The following FRMPD4 variants were observed in gnomAD, a reference collection of about 807,000 sequenced individuals.
The protein encoded by FRMPD4 is FERM and PDZ domain containing 4.
In FRMPD4, 22 loss-of-function variants were observed where a neutral mutation model predicts 94.1. The observed-to-expected ratio is 0.23, with a 90% CI of 0.17 to 0.33. FRMPD4 has a LOEUF of 0.33. Among genes scored for constraint, FRMPD4 ranks in the 10% least tolerant of loss-of-function variants. The pLI, the probability that FRMPD4 is intolerant of heterozygous loss-of-function variation, is 1.00. For synonymous variants in FRMPD4, 631 were observed against 548.6 expected, an observed-to-expected ratio of 1.15 and a Z score of -2.10; for missense variants, 1,111 against 1,339.9, an observed-to-expected ratio of 0.83 and a Z score of 2.67.
intron 1 of FRMPD4, among the ~76,000 whole-genome samples, chrX:12,148,841 G>A: frequency 8.9e-6 from 1 of 112,032 alleles, no homozygotes; most frequent in East Asian, 2.8e-4. Context: ...ACTCTACTCT[G>A]CTTGTGCTCT....
At chrX:11,832,457 A>G (rs370133586) in intron 1 of FRMPD4, among the ~76,000 whole-genome samples, 1 of 111,542 alleles carries the variant, frequency 9.0e-6, no homozygotes. Flanking sequence ...CTGCAGAGGA[A>G]ATAATTCATC....
chrX:12,649,409 A>T (rs189733610), intron 4 of FRMPD4, among the ~76,000 whole-genome samples: 54 of 111,589 alleles, frequency 4.8e-4, no homozygotes, highest in Non-Finnish European at 1.1e-4. Context: ...ACCACCATTT[A>T]TGAAGATATG....
Position 12,230,176 on chromosome X carries a change from A to G in FRMPD4, c.41+91164A>G, listed in dbSNP as rs150478716. 9.5e-3 allele frequency among the ~76,000 whole-genome samples: 1,060 copies of G among 111,785 alleles called. 13 individuals carry two copies. Among genetic ancestry groups the G allele is most frequent in the African/African-American group, 0.032 (988 of 30,732 alleles). Reference sequence around the variant, plus strand: ...CAGTAGAATTAAATTATGTCTGCAGATGAATCTGACCAGCTGTTTTCCTCT... The same window carrying G: ...CAGTAGAATTAAATTATGTCTGCAGGTGAATCTGACCAGCTGTTTTCCTCT... On this transcript the variant is annotated intron_variant, in intron 1 of 16. Coordinates refer to ENST00000675598, the MANE Select transcript of FRMPD4 (RefSeq NM_001368397.1).
intron 6 of FRMPD4, 65 bp downstream of exon 6, chrX:12,683,652 AAAC>A (rs1449784379): frequency 1.8e-6 from 1 of 570,630 alleles, no homozygotes; most frequent in East Asian, 3.5e-5. Flanking sequence ...TTTGCACTCA[AAAC>A]AAAGTCAGTA....
chrX:12,689,994 G>A (rs1164569014), intron 7 of FRMPD4, among the ~76,000 whole-genome samples: 1 of 112,564 alleles, frequency 8.9e-6, no homozygotes, highest in East Asian at 2.8e-4. Context: ...GAATGATCGA[G>A]GAGGCCAGGA....
intron 1 of FRMPD4, among the ~76,000 whole-genome samples, chrX:11,849,402 A>G (rs2053606443): frequency 9.0e-6 from 1 of 111,604 alleles, no homozygotes; most frequent in Non-Finnish European, 1.9e-5. Context: ...GCATTTTTTG[A>G]AAAAATAGAA....
chrX:12,490,553 G>A (rs2057782955), intron 1 of FRMPD4, among the ~76,000 whole-genome samples: 2 of 112,217 alleles, frequency 1.8e-5, no homozygotes, highest in Admixed American at 1.9e-4. Context: ...TAAAGAATGT[G>A]TGCAAGTAAT....
At chrX:12,334,003 T>C (rs1027758756) in intron 1 of FRMPD4, among the ~76,000 whole-genome samples, 2 of 111,841 alleles carry the variant, frequency 1.8e-5, no homozygotes, top group Non-Finnish European at 3.8e-5. Context: ...GCAATGAAAA[T>C]CTGTGGTTCT....
At chrX:12,352,832 G>A (rs185472248) in intron 1 of FRMPD4, among the ~76,000 whole-genome samples, 2 of 112,008 alleles carry the variant, frequency 1.8e-5, no homozygotes, top group East Asian at 2.8e-4. Flanking sequence ...TTGGATCTTC[G>A]TTACTTTTTG....
intron 12 of FRMPD4, 53 bp downstream of exon 12, chrX:12,706,968 C>T: frequency 3.2e-6 from 2 of 617,698 alleles, no homozygotes. Flanking sequence ...CACAGCAGCT[C>T]ATTCCGCCTC....
At chrX:12,265,733 G>A (rs12842834) in intron 1 of FRMPD4, among the ~76,000 whole-genome samples, 3,711 of 107,103 alleles carry the variant, frequency 0.035, 66 homozygotes, top group Non-Finnish European at 0.051. Context: ...AAACTTGGGT[G>A]ATTAGATCTC....
At chrX:12,153,561 G>A (rs150592136) in intron 1 of FRMPD4, among the ~76,000 whole-genome samples, 567 of 112,308 alleles carry the variant, frequency 5.0e-3, no homozygotes, top group Non-Finnish European at 8.0e-3. Flanking sequence ...TTCCGATGTG[G>A]TCATGTAAAC....
intron 3 of FRMPD4, among the ~76,000 whole-genome samples, chrX:11,909,240 G>A (rs1461886794): frequency 8.9e-6 from 1 of 111,806 alleles, no homozygotes; most frequent in Non-Finnish European, 1.9e-5. Flanking sequence ...ATAGATGTAG[G>A]CTATTCAGGT....
chrX:11,906,051 T>C (rs1482575350), intron 3 of FRMPD4, among the ~76,000 whole-genome samples: 1 of 111,543 alleles, frequency 9.0e-6, no homozygotes, highest in Non-Finnish European at 1.9e-5. Context: ...AACATTGACC[T>C]TCATTCTATC....
At chrX:12,592,554 TC>T (rs2058993210) in intron 2 of FRMPD4, among the ~76,000 whole-genome samples, 1 of 112,168 alleles carries the variant, frequency 8.9e-6, no homozygotes, top group African/African-American at 3.2e-5. Context: ...AAATAGCATG[TC>T]CTGATATTAG....
chrX:11,845,472 C>T (rs1304888263), intron 1 of FRMPD4, among the ~76,000 whole-genome samples: 1 of 110,350 alleles, frequency 9.1e-6, no homozygotes, highest in Admixed American at 9.7e-5. Context: ...TGGTACCATT[C>T]CTTCTGAAAC....
At chrX:12,441,980 GCTC>G (rs201469138) in intron 1 of FRMPD4, among the ~76,000 whole-genome samples, 2,571 of 111,476 alleles carry the variant, frequency 0.023, 88 homozygotes, top group African/African-American at 0.08. Flanking sequence ...AGTGTAATGA[GCTC>G]CTTTCAGAGA....
intron 1 of FRMPD4, among the ~76,000 whole-genome samples, chrX:12,401,500 C>T (rs979427842): frequency 1.4e-4 from 16 of 111,599 alleles, no homozygotes; most frequent in African/African-American, 4.9e-4. Context: ...TTCTGGTCTT[C>T]GTCATGTTCC....
intron 5 of FRMPD4, among the ~76,000 whole-genome samples, chrX:12,679,350 G>A (rs766329781): frequency 2.7e-5 from 3 of 112,008 alleles, no homozygotes; most frequent in African/African-American, 9.7e-5. Context: ...TGCATGCCAA[G>A]AGGAGGGGTC....
Sources: gnomAD v4.1 joint callset for allele counts (sites outside exome capture counted in the v4.1 genomes callset) on GRCh38, gnomAD v4.1.1 for gene constraint, MANE v1.5 for transcripts, NCBI Gene and HGNC (gene_info 2026-07-23, HGNC 2026-07-21) for gene names.